Variants in ZZEF1 observed in about 807,000 individuals in gnomAD.
ZZEF1 encodes zinc finger ZZ-type and EF-hand domain-containing protein 1.
In ZZEF1, 157 loss-of-function variants were observed where a neutral mutation model predicts 342.8. The ratio of observed to expected loss-of-function variants is 0.46; its 90% CI spans 0.40 to 0.52. The LOEUF (loss-of-function observed/expected upper bound fraction) is 0.52, where lower values mean the gene tolerates loss of function less well. ZZEF1 is among the 20% of genes least tolerant of loss of function. The pLI is 0.00. For missense variants in ZZEF1, 3,480 were observed against 3,725.6 expected (o/e 0.93, Z 1.72); for synonymous variants, 1,505 against 1,429.1 (o/e 1.05, Z -1.20).
chr17:4,099,631 C>T (rs1441372982), intron 9 of ZZEF1, among the ~76,000 whole-genome samples: 2 of 151,498 alleles, frequency 1.3e-5, no homozygotes, highest in Admixed American at 6.6e-5. Context: ...CTGCAACCTC[C>T]GCCTCCCGGG....
At chr17:4,096,109 A>G in intron 10 of ZZEF1, 130 bp from the exon 11 acceptor site, 1 of 1,027,600 alleles carries the variant, frequency 9.7e-7, no homozygotes, top group South Asian at 2.1e-5. Context: ...AAACATATTA[A>G]GCCCTCAAAA....
intron 1 of ZZEF1, among the ~76,000 whole-genome samples, chr17:4,138,624 C>T (rs1216862442): frequency 6.6e-6 from 1 of 152,106 alleles, no homozygotes; most frequent in African/African-American, 2.4e-5. Context: ...AGCTTACCAC[C>T]CCACGAATTT....
chr17:4,050,590 AACTTCAATGCCAAC>A (rs2057023001), intron 36 of ZZEF1, among the ~76,000 whole-genome samples, 177 bp downstream of exon 36: 1 of 152,232 alleles, frequency 6.6e-6, no homozygotes, highest in South Asian at 2.1e-4. Context: ...TTAAATGTTG[AACTTCAATGCCAAC>A]ATTTCTCTAA....
Position 4,069,923 on chromosome 17 carries a change from C to T in ZZEF1, c.4075+761G>A, listed in dbSNP as rs1204600442. On this transcript the variant is annotated intron_variant, in intron 26 of 54. Coordinates refer to ENST00000381638, the MANE Select transcript of ZZEF1 (RefSeq NM_015113.4). ...GTTTTTGCTTCTCCCGCCTGCGCTG[C>T]GTGGAGAAGACATACCCTGCCAGGC... Among the ~76,000 whole-genome samples, 13 of 152,322 alleles carry T rather than the reference C, an allele frequency of 8.5e-5. 2 individuals are homozygous for T. The highest frequency in any genetic ancestry group is 6.5e-4 in the Admixed American group (10 of 15,298).
intron 3 of ZZEF1, among the ~76,000 whole-genome samples, chr17:4,114,831 G>C (rs577660648): frequency 1.3e-5 from 2 of 152,042 alleles, no homozygotes; most frequent in South Asian, 4.1e-4. Flanking sequence ...GGTAAATTAC[G>C]GTTTGAATTT....
chr17:4,046,836 G>C lies in ZZEF1; in HGVS notation c.6016-2462C>G, dbSNP rs150479819. 1.2e-4 allele frequency among the ~76,000 whole-genome samples: 19 copies of C among 152,314 alleles called. No individual in the cohort carries two copies. In the East Asian group the frequency reaches 3.3e-3, roughly 26 times the overall value. Reference sequence around the variant, plus strand: ...TGGATGATGCCTCTGGCTAAGGTTAGTTTCTCAGTTGTTGAAAACAAAAAG... The same window carrying C: ...TGGATGATGCCTCTGGCTAAGGTTACTTTCTCAGTTGTTGAAAACAAAAAG... On this transcript the variant is annotated intron_variant, in intron 37 of 54. Coordinates refer to ENST00000381638, the MANE Select transcript of ZZEF1 (RefSeq NM_015113.4).
intron 39 of ZZEF1, among the ~76,000 whole-genome samples, chr17:4,037,473 C>A (rs572555465): frequency 1.3e-5 from 2 of 152,190 alleles, no homozygotes; most frequent in East Asian, 1.9e-4. Context: ...CAATAGGTGG[C>A]CTGTGATCTT....
At chr17:4,087,852 C>T (rs1320038969) in intron 13 of ZZEF1, among the ~76,000 whole-genome samples, 1 of 150,794 alleles carries the variant, frequency 6.6e-6, no homozygotes. Context: ...GACTTCCTAA[C>T]CCAGCACATA....
chr17:4,104,003 A>AGGCTGCACTCACAAGTAGAAG (rs2058169194), intron 8 of ZZEF1, among the ~76,000 whole-genome samples: 1 of 152,204 alleles, frequency 6.6e-6, no homozygotes, highest in Non-Finnish European at 1.5e-5. Flanking sequence ...GAGTCCAGGA[A>AGGCTGCACTCACAAGTAGAAG]GGCTGCACTC....
At chr17:4,018,155 T>C (rs1027564342) in intron 46 of ZZEF1, among the ~76,000 whole-genome samples, 184 bp from the exon 47 acceptor site, 1 of 152,270 alleles carries the variant, frequency 6.6e-6, no homozygotes, top group African/African-American at 2.4e-5. Context: ...AGAATGCATG[T>C]ATGCTCTGTG....
At chr17:4,025,257 A>G (rs904736046) in intron 42 of ZZEF1, 139 bp from the exon 43 acceptor site, 1 of 801,284 alleles carries the variant, frequency 1.2e-6, no homozygotes, top group South Asian at 1.8e-5. Context: ...GTCTTAGCCA[A>G]TAAAGCCAGC....
At chr17:4,010,040 C>T (rs1047747847) in intron 52 of ZZEF1, among the ~76,000 whole-genome samples, 7 of 152,018 alleles carry the variant, frequency 4.6e-5, no homozygotes, top group Admixed American at 1.3e-4. Context: ...ATGGATGTTA[C>T]GGGCTACACA....
chr17:4,011,567 G>T (rs1020339162), intron 52 of ZZEF1, among the ~76,000 whole-genome samples: 3 of 151,762 alleles, frequency 2.0e-5, no homozygotes, highest in African/African-American at 7.3e-5. Context: ...GTGTGTGTGT[G>T]TTTTTACTCA....
Position 4,017,351 on chromosome 17 carries a change from AG to A in ZZEF1, c.8001+19del. 1 of 1,565,168 alleles carries A rather than the reference AG, an allele frequency of 6.4e-7. No individual in the cohort carries two copies. Among genetic ancestry groups the A allele is most frequent in the Middle Eastern group, 1.7e-4 (1 of 5,904 alleles). ...AGGAAGAACCTGGTGGGTGAGCACA[AG>A]CTCAGTCTGCATAACTACCTTCTCC... On this transcript the variant is annotated intron_variant, in intron 48 of 54. Transcript: ENST00000381638. The surrounding 1 kb of genome is among the most constrained non-coding windows in gnomAD (Gnocchi z 5.1).
intron 35 of ZZEF1, 63 bp from the exon 36 acceptor site, chr17:4,051,106 G>C: frequency 3.1e-6 from 5 of 1,612,204 alleles, no homozygotes; most frequent in Non-Finnish European, 4.2e-6. Context: ...CTCCAAACAG[G>C]AGCACAGGGC....
At chr17:4,106,396 A>G (rs1375939501) in intron 6 of ZZEF1, among the ~76,000 whole-genome samples, 1 of 152,028 alleles carries the variant, frequency 6.6e-6, no homozygotes, top group East Asian at 1.9e-4. Flanking sequence ...CATGTTAAGT[A>G]GTACTAGAAA....
chr17:4,018,325 G>A (rs1478713241), intron 46 of ZZEF1, among the ~76,000 whole-genome samples: 1 of 151,660 alleles, frequency 6.6e-6, no homozygotes, highest in Non-Finnish European at 1.5e-5. Context: ...TGCCCGGGCC[G>A]GCCTGGAACT....
At chr17:4,097,226 T>C (rs1353793809) in intron 9 of ZZEF1, among the ~76,000 whole-genome samples, 2 of 147,372 alleles carry the variant, frequency 1.4e-5, no homozygotes, top group Admixed American at 6.9e-5. Flanking sequence ...CACTCCAGCC[T>C]GGGCAACAGA....
chr17:4,087,984 CCTT>C (rs2057870798), intron 13 of ZZEF1, among the ~76,000 whole-genome samples: 1 of 152,130 alleles, frequency 6.6e-6, no homozygotes, highest in Non-Finnish European at 1.5e-5. Context: ...CCAGGCTTCT[CCTT>C]CTTATTTGCT....
Sources: allele counts gnomAD v4.1 joint callset (sites outside exome capture counted in the v4.1 genomes callset), GRCh38; gene constraint gnomAD v4.1.1; non-coding constraint Gnocchi (gnomAD v3.1); transcripts MANE v1.5; gene names NCBI Gene and HGNC (gene_info 2026-07-23, HGNC 2026-07-21).